The following PROM2 variants were observed in gnomAD, a reference collection of about 807,000 sequenced individuals.
PROM2 encodes prominin 2.
A neutral mutation model predicts 110.2 loss-of-function variants in PROM2; 90 were observed. That is an observed-to-expected ratio of 0.82 (90% CI 0.69 to 0.97). The LOEUF (loss-of-function observed/expected upper bound fraction) is 0.97, where lower values mean the gene tolerates loss of function less well. Among genes scored for constraint, PROM2 ranks in the 50% least tolerant of loss-of-function variants. The pLI is 0.00. For missense variants in PROM2, 1,009 were observed against 1,074.8 expected (o/e 0.94, Z 0.86); for synonymous variants, 470 against 467.8 (o/e 1.00, Z -0.06).
At chr2:95,280,522 G>T (rs1006908068) in intron 11 of PROM2, among the ~76,000 whole-genome samples, 1 of 152,202 alleles carries the variant, frequency 6.6e-6, no homozygotes, top group South Asian at 2.1e-4. Flanking sequence ...CTGCCCTGTC[G>T]GCAGGTCATG....
intron 14 of PROM2, 95 bp downstream of exon 14, chr2:95,282,321 G>A: frequency 9.7e-7 from 1 of 1,028,602 alleles, no homozygotes; most frequent in Non-Finnish European, 1.5e-6. Context: ...TTTGAACCTA[G>A]GAGACCTGAG....
chr2:95,274,957 C>G, intron 1 of PROM2, 128 bp downstream of exon 1: 1 of 1,286,264 alleles, frequency 7.8e-7, no homozygotes. Context: ...GGGTAGAAGG[C>G]GGAGGATCTG....
chr2:95,280,882 ATCCTCCCACCTCAACCTG>A (rs1377539113), intron 11 of PROM2, among the ~76,000 whole-genome samples: 3 of 152,144 alleles, frequency 2.0e-5, no homozygotes, highest in Admixed American at 1.3e-4. Flanking sequence ...GACTCAAGCT[ATCCTCCCACCTCAACCTG>A]TCCTCCCACC....
chr2:95,277,788 G>A, intron 7 of PROM2, 142 bp from the exon 8 acceptor site: 2 of 813,754 alleles, frequency 2.5e-6, no homozygotes, highest in South Asian at 1.6e-5. Flanking sequence ...GCTGCCACCA[G>A]GGGCAGTAAG....
At position 95,276,677 on chromosome 2, in the gene PROM2, G is replaced by C. The variant is rs374801078; in HGVS notation, c.682+20G>C. Reference sequence around the variant, plus strand: ...TGGATGGTGAGGGTCTCGGGGACTGGCAGGTGGGCTGGCTCCTTCCAGGGC... The same window carrying C: ...TGGATGGTGAGGGTCTCGGGGACTGCCAGGTGGGCTGGCTCCTTCCAGGGC... On this transcript the variant is annotated intron_variant, in intron 5 of 23. Coordinates refer to ENST00000317620, the MANE Select transcript of PROM2 (RefSeq NM_001165978.3). This position sits in a 1 kb window ranked among gnomAD's most constrained non-coding sequence, Gnocchi z 4.6. 1.2e-5 allele frequency: 19 copies of C among 1,612,090 alleles called. No homozygotes were observed. In the African/African-American group the frequency reaches 1.3e-4, roughly 11 times the overall value.
At position 95,279,107 on chromosome 2, in the gene PROM2, C is replaced by G. The variant is rs746998250; in HGVS notation, c.1237C>G (p.Pro413Ala). The change falls in exon 10 of 24, where the codon CCC (proline) becomes GCC (alanine). Residue 413 changes from proline (P) to alanine (A), a missense_variant. Physicochemically the swap from Pro to Ala is conservative, Grantham distance 27. Coordinates refer to ENST00000317620, the MANE Select transcript of PROM2 (RefSeq NM_001165978.3). Reference sequence around the variant, plus strand: ...GCAGGAGGTGGAGGAGAGCAGCCGCCCCTACCTGCAGGAGGTGCAGAGATA... The same window carrying G: ...GCAGGAGGTGGAGGAGAGCAGCCGCGCCTACCTGCAGGAGGTGCAGAGATA... ...ALQEVEESSR[P>A]YLQEVQRYET... 1.9e-6 allele frequency: 3 copies of G among 1,604,822 alleles called. No individual in the cohort carries two copies. The highest frequency in any genetic ancestry group is 3.4e-5 in the Admixed American group (2 of 58,426).
chr2:95,276,698 A>G lies in PROM2; in HGVS notation c.682+41A>G. On this transcript the variant is annotated intron_variant, in intron 5 of 23. Transcript: ENST00000317620. This position sits in a 1 kb window ranked among gnomAD's most constrained non-coding sequence, Gnocchi z 4.6. Reference sequence around the variant, plus strand: ...ACTGGCAGGTGGGCTGGCTCCTTCCAGGGCCCCTGCTCGGGTGCCTCGGTG... The same window carrying G: ...ACTGGCAGGTGGGCTGGCTCCTTCCGGGGCCCCTGCTCGGGTGCCTCGGTG... 1 of 1,605,886 alleles carries G rather than the reference A, an allele frequency of 6.2e-7. No individual in the cohort carries two copies. The highest frequency in any genetic ancestry group is 8.5e-7 in the Non-Finnish European group (1 of 1,175,062).
rs756965676 is a variant in PROM2 at position 95,279,919 on chromosome 2, G to A, written c.1349G>A (p.Gly450Asp). The A allele has an allele frequency of 6.4e-7, 1 of 1,556,802 alleles. No homozygotes were observed. Among genetic ancestry groups the A allele is most frequent in the Non-Finnish European group, 8.7e-7 (1 of 1,149,412 alleles). ...VLCNLLGLNL[G>D]IWGLSARDDP... ...TGCAACCTGCTGGGCCTCAATCTGG[G>A]CATCTGGGGCCTGTCTGCCAGGGAC... Residue 450 changes from glycine to aspartate, a missense_variant, in exon 11 of 24, where the codon GGC becomes GAC. By Grantham distance (94) the Gly-to-Asp change is moderately conservative. Coordinates refer to ENST00000317620, the MANE Select transcript of PROM2 (RefSeq NM_001165978.3).
intron 18 of PROM2, 100 bp from the exon 19 acceptor site, chr2:95,287,033 G>A (rs996819822): frequency 7.6e-7 from 1 of 1,322,998 alleles, no homozygotes. Flanking sequence ...TTGTCTGTTG[G>A]AGCTGAACCC....
intron 11 of PROM2, among the ~76,000 whole-genome samples, chr2:95,280,227 C>T (rs1334017171): frequency 6.6e-6 from 1 of 152,158 alleles, no homozygotes; most frequent in Non-Finnish European, 1.5e-5. Flanking sequence ...CCTAGAGTCC[C>T]TACCCCAGCT....
At chr2:95,284,936 G>T (rs1269501235) in intron 14 of PROM2, 33 bp from the exon 15 acceptor site, 1 of 1,597,646 alleles carries the variant, frequency 6.3e-7, no homozygotes, top group Admixed American at 1.7e-5. Flanking sequence ...TCAGCAACTG[G>T]GCATGACTCC....
Position 95,275,200 on chromosome 2 carries a change from C to G in PROM2, c.245-261C>G, listed in dbSNP as rs1289253336. 6.6e-6 allele frequency among the ~76,000 whole-genome samples: 1 copy of G among 152,250 alleles called. No individual in the cohort carries two copies. The highest frequency in any genetic ancestry group is 2.4e-5 in the African/African-American group (1 of 41,472). ...AGAACTGCCAGGCCAGACCCCTTCT[C>G]TGCCTTTGCCCAGGCTCAGGACTGA... On this transcript the variant is annotated intron_variant, in intron 1 of 23. Coordinates refer to ENST00000317620, the MANE Select transcript of PROM2 (RefSeq NM_001165978.3). The surrounding 1 kb of genome is among the most constrained non-coding windows in gnomAD (Gnocchi z 4.4).
In PROM2 at chr2:95,286,873, G is replaced by A. The variant is rs1677393749; in HGVS notation, c.2094+16G>A. 2 of 1,613,004 alleles carry A rather than the reference G, an allele frequency of 1.2e-6. No homozygotes were observed. The highest frequency in any genetic ancestry group is 2.7e-5 in the African/African-American group (2 of 74,906). On this transcript the variant is annotated intron_variant, in intron 18 of 23. Coordinates refer to ENST00000317620, the MANE Select transcript of PROM2 (RefSeq NM_001165978.3). Reference sequence around the variant, plus strand: ...GAATCTCCAGGTGGCTGCTGTTGGTGGGGACGTATGGTGGAGCACAGGGGC... The same window carrying A: ...GAATCTCCAGGTGGCTGCTGTTGGTAGGGACGTATGGTGGAGCACAGGGGC...
rs1676660487 is a variant in PROM2 at position 95,276,370 on chromosome 2, C to T, written c.618+23C>T. On this transcript the variant is annotated intron_variant, in intron 4 of 23. Coordinates refer to ENST00000317620, the MANE Select transcript of PROM2 (RefSeq NM_001165978.3). This position sits in a 1 kb window ranked among gnomAD's most constrained non-coding sequence, Gnocchi z 4.6. ...CAAGTGAGCACTGTTACCCCTCACC[C>T]TCATGTGCCCCTGTGAGCACTGGGC... The T allele has an allele frequency of 1.1e-5, 17 of 1,610,768 alleles. No individual in the cohort carries two copies. Among genetic ancestry groups the T allele is most frequent in the Non-Finnish European group, 1.4e-5 (17 of 1,178,572 alleles).
chr2:95,278,823 C>T, intron 9 of PROM2, 39 bp downstream of exon 9: 2 of 1,613,038 alleles, frequency 1.2e-6, no homozygotes, highest in Non-Finnish European at 1.7e-6. Context: ...CCAGGCATGG[C>T]TTCCCACCCC....
chr2:95,285,694 G>T lies in PROM2; in HGVS notation c.1931G>T (p.Gly644Val), dbSNP rs755579007. The T allele has an allele frequency of 2.5e-6, 4 of 1,602,140 alleles. No individual in the cohort carries two copies. In the African/African-American group the frequency reaches 4.0e-5, roughly 16 times the overall value. Residue 644 changes from glycine to valine, a missense_variant, in exon 16 of 24, where the codon GGA becomes GTA. By Grantham distance (109) the Gly-to-Val change is moderately radical. Coordinates refer to ENST00000317620, the MANE Select transcript of PROM2 (RefSeq NM_001165978.3). ...GAGCAGCTGGCCCAGGAGCTGCAAG[G>T]ACTGGCCCAGGCCCAAGTGAGTGGG... ...SMEQLAQELQ[G>V]LAQAQDNSVL... is the part of the protein sequence containing the mutation.
intron 14 of PROM2, 96 bp from the exon 15 acceptor site, chr2:95,284,873 A>G: frequency 3.7e-6 from 5 of 1,352,042 alleles, no homozygotes; most frequent in Non-Finnish European, 5.0e-6. Context: ...AAATATCCAA[A>G]CCATATCGCC....
chr2:95,285,220 C>T, intron 15 of PROM2, 105 bp downstream of exon 15: 2 of 1,301,298 alleles, frequency 1.5e-6, no homozygotes, highest in South Asian at 1.6e-5. Context: ...AGCTCTGGCT[C>T]TTCCACATTT....
chr2:95,285,530 G>A (rs1276574687), intron 15 of PROM2, 109 bp from the exon 16 acceptor site: 6 of 824,024 alleles, frequency 7.3e-6, no homozygotes, highest in Non-Finnish European at 1.2e-5. Context: ...ACACTTAGCT[G>A]GTGTAGGTTA....
Sources: gnomAD v4.1 joint callset for allele counts (sites outside exome capture counted in the v4.1 genomes callset) on GRCh38, gnomAD v4.1.1 for gene constraint, Gnocchi (gnomAD v3.1) non-coding constraint, MANE v1.5 for transcripts, NCBI Gene and HGNC (gene_info 2026-07-23, HGNC 2026-07-21) for gene names.